The following QPRT variants were observed in gnomAD, a reference collection of about 807,000 sequenced individuals.
QPRT encodes the protein nicotinate-nucleotide pyrophosphorylase [carboxylating].
In QPRT, 17 loss-of-function variants were observed where a neutral mutation model predicts 19.8. That is an observed-to-expected ratio of 0.86 (90% CI 0.59 to 1.29). The LOEUF (loss-of-function observed/expected upper bound fraction) is 1.29, where lower values mean the gene tolerates loss of function less well. QPRT is among the 50% of genes most tolerant of loss of function. QPRT has a pLI of 0.00. For missense variants in QPRT, 336 were observed against 405.1 expected (o/e 0.83, Z 1.46); for synonymous variants, 178 against 191.0 (o/e 0.93, Z 0.56).
At chr16:29,688,769 T>A (rs568977849) in intron 1 of QPRT, among the ~76,000 whole-genome samples, 1 of 151,346 alleles carries the variant, frequency 6.6e-6, no homozygotes, top group African/African-American at 2.4e-5. Flanking sequence ...AATTTTTTGT[T>A]TGTTTTTATT....
chr16:29,689,384 C>T (rs2142304290), intron 1 of QPRT, among the ~76,000 whole-genome samples: 1 of 152,268 alleles, frequency 6.6e-6, no homozygotes, highest in Non-Finnish European at 1.5e-5. Context: ...CATGAGCCAC[C>T]ATGCCCGGCC....
At chr16:29,688,239 C>T (rs1056534172) in intron 1 of QPRT, among the ~76,000 whole-genome samples, 2 of 151,966 alleles carry the variant, frequency 1.3e-5, no homozygotes, top group African/African-American at 4.8e-5. Flanking sequence ...TCTGACAAGA[C>T]CAACCTAAAG....
chr16:29,679,291 C>T, intron 1 of QPRT, 81 bp downstream of exon 1: 1 of 1,075,828 alleles, frequency 9.3e-7, no homozygotes, highest in Admixed American at 1.8e-5. Flanking sequence ...CTTGTCTCAG[C>T]CCCTTGTTGC....
chr16:29,682,854 G>T (rs1967049345), intron 1 of QPRT, among the ~76,000 whole-genome samples: 1 of 151,500 alleles, frequency 6.6e-6, no homozygotes, highest in Admixed American at 6.6e-5. Flanking sequence ...TAGGATCTAA[G>T]TAAAATCTAC....
At position 29,691,364 on chromosome 16, in the gene QPRT, C is replaced by CAAAAAA. The variant is rs537664108; in HGVS notation, c.14-3275_14-3270dup. 5.4e-4 allele frequency among the ~76,000 whole-genome samples: 28 copies of CAAAAAA among 51,874 alleles called. 1 individual carries two copies. The highest frequency in any genetic ancestry group is 2.6e-3 in the East Asian group (3 of 1,144). 34.0% of individuals were successfully genotyped at this position (51,874 alleles called of 152,430 possible). On this transcript the variant is annotated intron_variant, in intron 1 of 3. Transcript: ENST00000395384. The stretch of plus-strand genomic sequence containing the variant: ...TGGGCAAAAGAGTGAAGCTCTGCAT[C>CAAAAAA]AAAAAAAAAAAAAAAAAAAAAAAAA...
chr16:29,690,409 G>A (rs1326641559), intron 1 of QPRT, among the ~76,000 whole-genome samples: 2 of 152,078 alleles, frequency 1.3e-5, no homozygotes, highest in African/African-American at 4.8e-5. Context: ...TGGTATTTCT[G>A]GTTTTTGGTC....
intron 2 of QPRT, 87 bp downstream of exon 2, chr16:29,695,286 C>G: frequency 1.4e-6 from 2 of 1,396,570 alleles, no homozygotes; most frequent in Non-Finnish European, 1.9e-6. Flanking sequence ...CAGCCATGAC[C>G]GGGTGAACAG....
chr16:29,687,215 C>T (rs535147926), intron 1 of QPRT, among the ~76,000 whole-genome samples: 10 of 152,276 alleles, frequency 6.6e-5, no homozygotes, highest in South Asian at 6.2e-4. Flanking sequence ...TCACAGTCTA[C>T]GGCTGTTTCC....
intron 1 of QPRT, among the ~76,000 whole-genome samples, chr16:29,682,255 C>A (rs1023088281): frequency 7.3e-5 from 11 of 150,954 alleles, no homozygotes; most frequent in African/African-American, 2.4e-4. Flanking sequence ...CCAGGCTGGT[C>A]TCAAACTCCC....
intron 1 of QPRT, among the ~76,000 whole-genome samples, chr16:29,681,490 A>ATTTTTT (rs573949264): frequency 5.7e-5 from 4 of 69,734 alleles, no homozygotes; most frequent in African/African-American, 2.4e-4. Context: ...TCAGATCCAG[A>ATTTTTT]TTCTTTTTTT....
chr16:29,686,657 T>G (rs1277040961), intron 1 of QPRT, among the ~76,000 whole-genome samples: 2 of 152,040 alleles, frequency 1.3e-5, no homozygotes, highest in African/African-American at 4.8e-5. Flanking sequence ...CTTTTTATTT[T>G]TTTAATTTTT....
rs569256152 is a variant in QPRT, at chr16:29,695,127, G to A, written c.477G>A (p.Ser159=). 15 of 1,587,604 alleles carry A rather than the reference G, an allele frequency of 9.4e-6. No homozygotes were observed. Among genetic ancestry groups the A allele is most frequent in the South Asian group, 2.3e-5 (2 of 87,920 alleles). ...KYGLLVGGAA[S]HRYDLGGLVM... ...GGCTCCTGGTGGGCGGGGCCGCCTC[G>A]CACCGCTACGACCTGGGAGGGCTGG... Residue 159 remains serine (S), a synonymous_variant, in exon 2 of 4, where the codon TCG becomes TCA. Transcript: ENST00000395384.
intron 1 of QPRT, among the ~76,000 whole-genome samples, chr16:29,680,668 C>CG (rs1966973350): frequency 6.6e-6 from 1 of 152,116 alleles, no homozygotes; most frequent in Non-Finnish European, 1.5e-5. Context: ...TGGCCCGCCA[C>CG]GGTGGCTCAC....
chr16:29,696,843 G>A, intron 2 of QPRT, 153 bp from the exon 3 acceptor site: 1 of 864,474 alleles, frequency 1.2e-6, no homozygotes, highest in Non-Finnish European at 1.7e-6. Flanking sequence ...CAAGTTCATG[G>A]TCCACCCGAA....
At chr16:29,686,090 C>G (rs777147714) in intron 1 of QPRT, among the ~76,000 whole-genome samples, 5 of 152,102 alleles carry the variant, frequency 3.3e-5, no homozygotes, top group Non-Finnish European at 7.4e-5. Context: ...GAACTCCTGA[C>G]CTCAGGTGAT....
At position 29,679,218 on chromosome 16, in the gene QPRT, G is replaced by T; in HGVS notation, c.13+8G>T. On this transcript the variant is annotated splice_region_variant and intron_variant, in intron 1 of 3. Coordinates refer to ENST00000395384, the MANE Select transcript of QPRT (RefSeq NM_014298.6). ...TCACCATGGACGCTGAAGGTAAAGG[G>T]ACACTCTCTCTGCCATGTCCCTGCA... 1 of 1,606,388 alleles carries T rather than the reference G, an allele frequency of 6.2e-7. No homozygotes were observed.
chr16:29,698,613 G>A lies in QPRT; in HGVS notation c.*1202G>A, dbSNP rs1014504830. 5 of 152,446 alleles carry A rather than the reference G, an allele frequency of 3.3e-5. No individual in the cohort carries two copies. Among genetic ancestry groups the A allele is most frequent in the Admixed American group, 3.3e-4 (5 of 15,264 alleles). The allele number at this position is 152,446 out of a possible 1,614,324, so 9.4% of individuals were successfully genotyped here. On this transcript the variant is annotated 3_prime_UTR_variant, in exon 4 of 4. Coordinates refer to ENST00000395384, the MANE Select transcript of QPRT (RefSeq NM_014298.6). Reference sequence around the variant, plus strand: ...CCTTAGAGTTGTAAGCCTTTAAAAAGGCCAAGAATTTCTTTTTCAGGGATC... The same window carrying A: ...CCTTAGAGTTGTAAGCCTTTAAAAAAGCCAAGAATTTCTTTTTCAGGGATC...
chr16:29,689,837 C>CA (rs1468580335), intron 1 of QPRT, among the ~76,000 whole-genome samples: 8 of 152,086 alleles, frequency 5.3e-5, no homozygotes, highest in Admixed American at 5.2e-4. Flanking sequence ...CTTGCTCAAT[C>CA]ACGACCCTCT....
At chr16:29,684,653 G>A (rs1041323932) in intron 1 of QPRT, among the ~76,000 whole-genome samples, 4 of 152,094 alleles carry the variant, frequency 2.6e-5, no homozygotes, top group Admixed American at 2.0e-4. Context: ...GGCCACGGCA[G>A]CATCTCTTCT....
Sources: allele counts gnomAD v4.1 joint callset (sites outside exome capture counted in the v4.1 genomes callset), GRCh38; gene constraint gnomAD v4.1.1; transcripts MANE v1.5; gene names NCBI Gene and HGNC (gene_info 2026-07-23, HGNC 2026-07-21).